ITGA8: variants seen among roughly 807,000 people sequenced by gnomAD.
ITGA8 encodes the protein integrin alpha-8.
ITGA8 carries 91 observed loss-of-function variants against 142.3 expected under a neutral mutation model. That is an observed-to-expected ratio of 0.64 (90% CI 0.54 to 0.76). The LOEUF (loss-of-function observed/expected upper bound fraction) is 0.76, where lower values mean the gene tolerates loss of function less well. Ranked by LOEUF, ITGA8 falls within the 30% of genes least tolerant of loss-of-function variation. The pLI, the probability that ITGA8 is intolerant of heterozygous loss-of-function variation, is 0.00. For missense variants in ITGA8, 1,406 were observed against 1,327.7 expected (o/e 1.06, Z -0.92); for synonymous variants, 505 against 485.2 (o/e 1.04, Z -0.54).
intron 25 of ITGA8, among the ~76,000 whole-genome samples, chr10:15,561,141 C>T (rs1833966076): frequency 6.7e-6 from 1 of 150,264 alleles, no homozygotes. Context: ...CCTCCTGCCT[C>T]AGCCTCCCAA....
rs1259258126 is a variant in ITGA8, at chr10:15,719,823, C to A, written c.-52G>T. 5 of 1,268,738 alleles carry A rather than the reference C, an allele frequency of 3.9e-6. No individual in the cohort carries two copies. The African/African-American group carries it at 7.9e-5, about 20-fold the overall frequency. The allele number at this position is 1,268,738 out of a possible 1,614,324, so 78.6% of individuals were successfully genotyped here. ...TACCCAGGAGCGCGAGCCGAGGACCCCTGCGGGGCAAGGGGGGCTGGTGGA... is the reference window on the plus strand; with the variant it reads ...TACCCAGGAGCGCGAGCCGAGGACCACTGCGGGGCAAGGGGGGCTGGTGGA... On this transcript the variant is annotated 5_prime_UTR_variant, in exon 1 of 30. Coordinates refer to ENST00000378076, the MANE Select transcript of ITGA8 (RefSeq NM_003638.3).
At chr10:15,653,741 A>G (rs1368979682) in intron 11 of ITGA8, among the ~76,000 whole-genome samples, 4 of 152,176 alleles carry the variant, frequency 2.6e-5, no homozygotes, top group African/African-American at 9.6e-5. Flanking sequence ...TAGAATTAGA[A>G]TCATATAGCA....
intron 25 of ITGA8, among the ~76,000 whole-genome samples, chr10:15,568,680 T>C (rs138185018): frequency 5.4e-4 from 82 of 152,318 alleles, no homozygotes; most frequent in African/African-American, 1.7e-3. Context: ...ATGTTTTAAA[T>C]GGTGTTTCAG....
At chr10:15,645,107 A>AC (rs1833955540) in intron 12 of ITGA8, among the ~76,000 whole-genome samples, 1 of 151,158 alleles carries the variant, frequency 6.6e-6, no homozygotes, top group African/African-American at 2.4e-5. Flanking sequence ...AAAAAAAAAA[A>AC]AAAAAAAAAA....
intron 15 of ITGA8, among the ~76,000 whole-genome samples, chr10:15,609,771 T>C (rs1833259325): frequency 6.6e-6 from 1 of 152,230 alleles, no homozygotes; most frequent in South Asian, 2.1e-4. Context: ...CATTCATCTT[T>C]AACTGTGTAG....
chr10:15,632,064 G>A (rs1833694844), intron 13 of ITGA8, among the ~76,000 whole-genome samples: 1 of 151,930 alleles, frequency 6.6e-6, no homozygotes, highest in Admixed American at 6.6e-5. Context: ...ACCTGCTTTG[G>A]GACAGAATCT....
At chr10:15,534,851 G>T (rs1378324709) in intron 27 of ITGA8, among the ~76,000 whole-genome samples, 1 of 152,226 alleles carries the variant, frequency 6.6e-6, no homozygotes, top group Non-Finnish European at 1.5e-5. Context: ...TCCTCTGCCT[G>T]GGCTCCAACT....
chr10:15,671,739 C>T, intron 7 of ITGA8, 92 bp from the exon 8 acceptor site: 1 of 922,794 alleles, frequency 1.1e-6, no homozygotes, highest in Non-Finnish European at 1.7e-6. Context: ...TACCATGGTA[C>T]TGCTTTATTT....
intron 11 of ITGA8, among the ~76,000 whole-genome samples, chr10:15,648,582 A>G (rs1376615414): frequency 1.3e-4 from 20 of 151,896 alleles, no homozygotes; most frequent in Admixed American, 1.3e-3. Flanking sequence ...ATAAAAATAT[A>G]TCTTACTAAC....
intron 2 of ITGA8, among the ~76,000 whole-genome samples, chr10:15,709,720 A>G (rs1835329208): frequency 6.6e-6 from 1 of 152,218 alleles, no homozygotes; most frequent in Non-Finnish European, 1.5e-5. Flanking sequence ...TTACTCAGAC[A>G]CACTCAAAAG....
chr10:15,519,469 A>G, intron 28 of ITGA8, 57 bp from the exon 29 acceptor site: 1 of 1,575,530 alleles, frequency 6.3e-7, no homozygotes, highest in Non-Finnish European at 8.7e-7. Flanking sequence ...GGTGAAATAA[A>G]ATAGTAATTA....
intron 28 of ITGA8, among the ~76,000 whole-genome samples, chr10:15,530,761 C>T (rs1833273286): frequency 6.6e-6 from 1 of 152,102 alleles, no homozygotes; most frequent in African/African-American, 2.4e-5. Context: ...AGTACGATTT[C>T]ATTGTAATGA....
Position 15,658,902 on chromosome 10 carries a change from T to C in ITGA8, c.948+97A>G, listed in dbSNP as rs9333129. 3 of 856,814 alleles carry C rather than the reference T, an allele frequency of 3.5e-6. No individual in the cohort carries two copies. In the African/African-American group the frequency reaches 5.2e-5, roughly 15 times the overall value. The allele number at this position is 856,814 out of a possible 1,614,324, so 53.1% of individuals were successfully genotyped here. On this transcript the variant is annotated intron_variant, in intron 10 of 29. Coordinates refer to ENST00000378076, the MANE Select transcript of ITGA8 (RefSeq NM_003638.3). ...GTTTCCAGTACGTAGTAGCTGCTCA[T>C]TAAATATTTGTCAAATGGATGAATA... is the stretch of plus-strand genomic sequence containing the variant.
intron 23 of ITGA8, among the ~76,000 whole-genome samples, chr10:15,582,101 T>C (rs748585163): frequency 1.4e-4 from 22 of 152,214 alleles, no homozygotes; most frequent in African/African-American, 5.1e-4. Flanking sequence ...TAACTCAGCA[T>C]GGTGGCGCAT....
At chr10:15,563,662 C>A (rs1043830413) in intron 25 of ITGA8, among the ~76,000 whole-genome samples, 6 of 152,182 alleles carry the variant, frequency 3.9e-5, no homozygotes, top group Non-Finnish European at 7.3e-5. Flanking sequence ...CGCCGGTAAT[C>A]CCAGCACTTT....
At chr10:15,586,688 TA>T (rs760951476) in intron 22 of ITGA8, 24 bp from the exon 23 acceptor site, 1 of 1,359,096 alleles carries the variant, frequency 7.4e-7, no homozygotes, top group Non-Finnish European at 1.1e-6. Flanking sequence ...ACATGTGATT[TA>T]AATCTATCTG....
chr10:15,677,041 A>G lies in ITGA8; in HGVS notation c.676+551T>C, dbSNP rs1001907748. Among the ~76,000 whole-genome samples the G allele has an allele frequency of 3.9e-5, 6 of 152,260 alleles. No homozygotes were observed. The East Asian group carries it at 7.7e-4, about 20-fold the overall frequency. ...AAAACAGAAAACAAATGAGAGTACAAATCGAAATGATGCTTTTGTTCTCAC... is the reference window on the plus strand; with the variant it reads ...AAAACAGAAAACAAATGAGAGTACAGATCGAAATGATGCTTTTGTTCTCAC... On this transcript the variant is annotated intron_variant, in intron 6 of 29. Coordinates refer to ENST00000378076, the MANE Select transcript of ITGA8 (RefSeq NM_003638.3).
intron 25 of ITGA8, among the ~76,000 whole-genome samples, chr10:15,561,225 A>G (rs1365391614): frequency 9.8e-6 from 1 of 102,040 alleles, no homozygotes; most frequent in Non-Finnish European, 2.0e-5. Context: ...ATATATATAT[A>G]TATATATATG....
intron 13 of ITGA8, among the ~76,000 whole-genome samples, chr10:15,630,814 C>T (rs915777094): frequency 2.6e-5 from 4 of 151,946 alleles, no homozygotes; most frequent in Admixed American, 2.6e-4. Flanking sequence ...TACTCCATTC[C>T]TTATATCCTA....
Sources: gnomAD v4.1 joint callset for allele counts (sites outside exome capture counted in the v4.1 genomes callset) on GRCh38, gnomAD v4.1.1 for gene constraint, MANE v1.5 for transcripts, NCBI Gene and HGNC (gene_info 2026-07-23, HGNC 2026-07-21) for gene names.